The following PEAK1 variants were observed in gnomAD, a reference collection of about 807,000 sequenced individuals.
PEAK1 encodes the protein pseudopodium enriched atypical kinase 1.
Under a neutral mutation model 124.7 loss-of-function variants are expected in PEAK1, and 54 were observed. That is an observed-to-expected ratio of 0.43 (90% CI 0.35 to 0.54). The LOEUF (loss-of-function observed/expected upper bound fraction) is 0.54, where lower values mean the gene tolerates loss of function less well. Among genes scored for constraint, PEAK1 ranks in the 20% least tolerant of loss-of-function variants. The pLI is 0.01. For synonymous variants in PEAK1, 719 were observed against 760.0 expected (o/e 0.95, Z 0.89); for missense variants, 2,046 against 2,134.5 (o/e 0.96, Z 0.82).
intron 1 of PEAK1, among the ~76,000 whole-genome samples, chr15:77,398,872 T>C (rs1306321948): frequency 6.6e-6 from 1 of 151,992 alleles, no homozygotes; most frequent in South Asian, 2.1e-4. Context: ...AACCTAAAGA[T>C]TCCACCAAAA....
chr15:77,185,248 G>GCATA (rs2057482289), intron 6 of PEAK1, among the ~76,000 whole-genome samples: 1 of 152,208 alleles, frequency 6.6e-6, no homozygotes, highest in Non-Finnish European at 1.5e-5. Context: ...TTGTCACCCT[G>GCATA]CATACAAGAC....
Position 77,114,872 on chromosome 15 carries a change from G to A in PEAK1, c.4525C>T (p.Pro1509Ser), listed in dbSNP as rs775706060. The change falls in exon 10 of 10, where the codon CCC becomes TCC. Residue 1509 changes from proline (P) to serine (S), a missense_variant. By Grantham distance (74) the Pro-to-Ser change is moderately conservative. Coordinates refer to ENST00000682557, the MANE Select transcript of PEAK1 (RefSeq NM_001385026.1). ...QLCSGLEHLK[P>S]YHVTHCDLRL... The stretch of plus-strand genomic sequence containing the variant: ...AGATCGCAGTGAGTGACATGGTAGG[G>A]TTTGAGGTGCTCAAGACCAGAGCAT... The A allele has an allele frequency of 1.2e-6, 2 of 1,613,760 alleles. No homozygotes were observed. The highest frequency in any genetic ancestry group is 1.7e-6 in the Non-Finnish European group (2 of 1,180,006).
chr15:77,335,193 C>T (rs1408456316), intron 2 of PEAK1: 1 of 985,472 alleles, frequency 1.0e-6, no homozygotes. Context: ...TCCCTCCCAA[C>T]TTAAGAGTCC....
intron 5 of PEAK1, among the ~76,000 whole-genome samples, chr15:77,261,891 T>G (rs1226739766): frequency 6.6e-6 from 1 of 152,078 alleles, no homozygotes; most frequent in East Asian, 1.9e-4. Flanking sequence ...GGGAAGCCCA[T>G]CAGACTAACA....
At chr15:77,135,360 G>A (rs561091212) in intron 8 of PEAK1, among the ~76,000 whole-genome samples, 271 of 152,328 alleles carry the variant, frequency 1.8e-3, no homozygotes, top group African/African-American at 5.6e-3. Context: ...AATAGTAAGT[G>A]TTGCTTATGA....
At chr15:77,233,554 A>T (rs1370519856) in intron 6 of PEAK1, among the ~76,000 whole-genome samples, 2 of 152,148 alleles carry the variant, frequency 1.3e-5, no homozygotes, top group African/African-American at 4.8e-5. Context: ...GACCAAAAAT[A>T]TCCCTATCTT....
chr15:77,295,350 A>G (rs1242241848), intron 2 of PEAK1, among the ~76,000 whole-genome samples: 1 of 152,178 alleles, frequency 6.6e-6, no homozygotes, highest in African/African-American at 2.4e-5. Flanking sequence ...AAAAAAAGAC[A>G]TTTTAAAACA....
chr15:77,349,334 C>T lies in PEAK1; in HGVS notation c.-603+15829G>A, dbSNP rs547579865. On this transcript the variant is annotated intron_variant, in intron 2 of 9. Coordinates refer to ENST00000682557, the MANE Select transcript of PEAK1 (RefSeq NM_001385026.1). ...GATTACAGGCGTGAGCCACCGCGCC[C>T]GGCCTCAGTCAATAATTATTTTTTA... The T allele has an allele frequency of 3.8e-4, 368 of 980,986 alleles. 1 individual carries two copies. Among genetic ancestry groups the T allele is most frequent in the Middle Eastern group, 1.1e-3 (2 of 1,904 alleles). 60.8% of individuals were successfully genotyped at this position (980,986 alleles called of 1,614,324 possible). A position where few individuals can be genotyped will look rare whatever the true frequency, so the allele number is the denominator to read the frequency against.
In PEAK1 at chr15:77,134,883, G is replaced by A. The variant is rs1318717916; in HGVS notation, c.3332-1133C>T. Among the ~76,000 whole-genome samples, 11 of 152,138 alleles carry A rather than the reference G, an allele frequency of 7.2e-5. No individual in the cohort carries two copies. In the East Asian group the frequency reaches 1.5e-3, roughly 21 times the overall value. On this transcript the variant is annotated intron_variant, in intron 8 of 9. Transcript: ENST00000682557. ...ATAGTTAAGATGAGGTCATTAGGAC[G>A]GGCCCTAATCCAATATGGCTGATGT... is the stretch of plus-strand genomic sequence containing the variant.
chr15:77,211,371 C>A (rs2058896117), intron 6 of PEAK1, among the ~76,000 whole-genome samples: 1 of 151,966 alleles, frequency 6.6e-6, no homozygotes, highest in South Asian at 2.1e-4. Flanking sequence ...CTTGATGTAC[C>A]ATATAATATT....
At chr15:77,372,282 T>C (rs2068698494) in intron 1 of PEAK1, among the ~76,000 whole-genome samples, 1 of 152,182 alleles carries the variant, frequency 6.6e-6, no homozygotes. Flanking sequence ...CTCCTGACAA[T>C]CTGGATACAA....
At chr15:77,419,138 C>G (rs910985990) in intron 1 of PEAK1, 24 of 985,278 alleles carry the variant, frequency 2.4e-5, no homozygotes, top group Non-Finnish European at 2.9e-5. Flanking sequence ...CTCTCAAATT[C>G]CTGAACTTGG....
chr15:77,270,482 T>C (rs1261184971), intron 5 of PEAK1, among the ~76,000 whole-genome samples: 2 of 152,024 alleles, frequency 1.3e-5, no homozygotes, highest in African/African-American at 4.8e-5. Flanking sequence ...TATACACCAA[T>C]AACAGACAAA....
chr15:77,239,558 T>C (rs2060266235), intron 6 of PEAK1, among the ~76,000 whole-genome samples: 3 of 152,224 alleles, frequency 2.0e-5, no homozygotes, highest in Admixed American at 1.3e-4. Context: ...GCAAACAGCA[T>C]ATGCTTATTA....
intron 6 of PEAK1, among the ~76,000 whole-genome samples, chr15:77,199,829 C>T (rs116720852): frequency 0.013 from 2,041 of 152,128 alleles, 52 homozygotes; most frequent in African/African-American, 0.046. Flanking sequence ...AGAAGCAGTG[C>T]CAGAAAACAG....
At chr15:77,169,970 A>C (rs921258731) in intron 7 of PEAK1, among the ~76,000 whole-genome samples, 2 of 152,222 alleles carry the variant, frequency 1.3e-5, no homozygotes, top group African/African-American at 4.8e-5. Flanking sequence ...GGAAAATTGC[A>C]CATGATTCTT....
rs71145816 is a variant in PEAK1 at position 77,365,741 on chromosome 15, T to TAA, written c.-665-518_-665-517dup. Among the ~76,000 whole-genome samples, 463 of 80,622 alleles carry TAA rather than the reference T, an allele frequency of 5.7e-3. 3 individuals carry two copies. Among genetic ancestry groups the TAA allele is most frequent in the Middle Eastern group, 0.042 (5 of 118 alleles). 52.9% of individuals were successfully genotyped at this position (80,622 alleles called of 152,430 possible). On this transcript the variant is annotated intron_variant, in intron 1 of 9. Transcript: ENST00000682557. ...GGCGATAGAGCAAGACTCCATCTCA[T>TAA]AAAAAAAAAAAAAAAAAAAAAAGAT...
intron 7 of PEAK1, among the ~76,000 whole-genome samples, chr15:77,168,517 G>A (rs1464363150): frequency 6.6e-6 from 1 of 152,232 alleles, no homozygotes; most frequent in East Asian, 1.9e-4. Flanking sequence ...TAAAAGATGA[G>A]TGTGGCTATT....
At chr15:77,107,128 A>C (rs1430092133), downstream of PEAK1, 1 of 152,258 alleles carries the variant, frequency 6.6e-6, no homozygotes, top group African/African-American at 2.4e-5. Flanking sequence ...TGACCTCCCA[A>C]CCCCAACTGC....
Sources: gnomAD v4.1 joint callset for allele counts (sites outside exome capture counted in the v4.1 genomes callset) on GRCh38, gnomAD v4.1.1 for gene constraint, MANE v1.5 for transcripts, NCBI Gene and HGNC (gene_info 2026-07-23, HGNC 2026-07-21) for gene names.